The following WNK3 variants were observed in gnomAD, a reference collection of about 807,000 sequenced individuals.
The protein encoded by WNK3 is serine/threonine-protein kinase WNK3.
WNK3 carries 18 observed loss-of-function variants against 116.7 expected under a neutral mutation model. That is an observed-to-expected ratio of 0.15 (90% CI 0.11 to 0.23). The LOEUF is 0.23. Among genes scored for constraint, WNK3 ranks in the 10% least tolerant of loss-of-function variants. The probability of loss-of-function intolerance (pLI) is 1.00; values close to 1 mark genes in which losing one functional copy is unlikely to be tolerated. For synonymous variants in WNK3, 404 were observed against 469.4 expected, an observed-to-expected ratio of 0.86 and a Z score of 1.80; for missense variants, 993 against 1,323.8, an observed-to-expected ratio of 0.75 and a Z score of 3.88.
chrX:54,353,702 G>A (rs2069551292), intron 1 of WNK3, among the ~76,000 whole-genome samples: 2 of 107,235 alleles, frequency 1.9e-5, no homozygotes, highest in Admixed American at 1.0e-4. Context: ...AGCTGAGATC[G>A]CACCATTGCA....
chrX:54,301,013 C>T (rs782578315), intron 6 of WNK3, among the ~76,000 whole-genome samples: 70 of 110,211 alleles, frequency 6.4e-4, no homozygotes, highest in South Asian at 3.5e-3. Flanking sequence ...GAGGCTGAGA[C>T]GGGTGGATCA....
chrX:54,273,243 C>T (rs868920131), intron 10 of WNK3, among the ~76,000 whole-genome samples: 22 of 112,343 alleles, frequency 2.0e-4, no homozygotes, highest in Middle Eastern at 9.1e-3. Flanking sequence ...CGAACGTATA[C>T]ATCTGTCTTA....
At chrX:54,242,083 G>A (rs2068028651) in intron 17 of WNK3, among the ~76,000 whole-genome samples, 1 of 111,533 alleles carries the variant, frequency 9.0e-6, no homozygotes, top group African/African-American at 3.3e-5. Flanking sequence ...AGTTATTGGA[G>A]CTAATAAACA....
At chrX:54,259,682 C>T (rs1557156317) in intron 10 of WNK3, among the ~76,000 whole-genome samples, 1 of 111,265 alleles carries the variant, frequency 9.0e-6, no homozygotes, top group African/African-American at 3.3e-5. Context: ...GAGGTACTAC[C>T]ATTCTACAAG....
chrX:54,348,522 G>A (rs972543589), intron 1 of WNK3, among the ~76,000 whole-genome samples: 3 of 111,684 alleles, frequency 2.7e-5, no homozygotes, highest in Non-Finnish European at 3.8e-5. Flanking sequence ...ATTTATTTAA[G>A]TATACTAATA....
chrX:54,353,186 C>A (rs2069542362), intron 1 of WNK3, among the ~76,000 whole-genome samples: 1 of 111,708 alleles, frequency 9.0e-6, no homozygotes, highest in Admixed American at 9.6e-5. Context: ...GGGCCAGGCG[C>A]AGTGGCTCAT....
exon 24 of WNK3, chrX:54,198,353 G>T: frequency 8.3e-7 from 1 of 1,200,535 alleles, no homozygotes; most frequent in Non-Finnish European, 1.1e-6. Context: ...ATTGTGGCAG[G>T]ATTCTGCACT....
rs369979280 is a variant in WNK3 at position 54,221,580 on chromosome X, T to A, written c.4870+7134A>T. On this transcript the variant is annotated intron_variant, in intron 22 of 23. Coordinates refer to ENST00000354646, the Ensembl canonical transcript of WNK3. ...CAGGCGAGGTGGCTCACACCTGTAATCCAGCATTTTGGGAGGCCGAGGCGG... is the reference window on the plus strand; with the variant it reads ...CAGGCGAGGTGGCTCACACCTGTAAACCAGCATTTTGGGAGGCCGAGGCGG... Among the ~76,000 whole-genome samples the A allele has an allele frequency of 5.2e-3, 584 of 111,585 alleles. 3 individuals carry two copies. Among genetic ancestry groups the A allele is most frequent in the African/African-American group, 0.018 (554 of 30,777 alleles).
At chrX:54,215,116 CAAAAAAAAAAAA>C (rs60946524) in intron 22 of WNK3, among the ~76,000 whole-genome samples, 1 of 29,458 alleles carries the variant, frequency 3.4e-5, no homozygotes, top group African/African-American at 1.1e-4. Flanking sequence ...GACTCCATCT[CAAAAAAAAAAAA>C]AAAAAAAAAA....
chrX:54,268,796 A>G (rs1338172257), intron 10 of WNK3, among the ~76,000 whole-genome samples: 8 of 111,363 alleles, frequency 7.2e-5, no homozygotes, highest in Non-Finnish European at 1.5e-4. Flanking sequence ...ACTAACATAA[A>G]TAAATAAATA....
At chrX:54,348,854 T>C (rs1377946112) in intron 1 of WNK3, among the ~76,000 whole-genome samples, 1 of 111,928 alleles carries the variant, frequency 8.9e-6, no homozygotes, top group East Asian at 2.8e-4. Context: ...CTACACATGT[T>C]AGAAAGTAGG....
intron 10 of WNK3, among the ~76,000 whole-genome samples, chrX:54,264,683 C>T (rs2068291363): frequency 9.0e-6 from 1 of 110,988 alleles, no homozygotes; most frequent in African/African-American, 3.3e-5. Flanking sequence ...GCAGATAGAA[C>T]TGAATTGAGG....
In WNK3 at chrX:54,221,808, T is replaced by A. The variant is rs1396194491; in HGVS notation, c.4870+6906A>T. 4.5e-5 allele frequency among the ~76,000 whole-genome samples: 5 copies of A among 110,203 alleles called. No individual in the cohort carries two copies. In the East Asian group the frequency reaches 1.4e-3, roughly 32 times the overall value. On this transcript the variant is annotated intron_variant, in intron 22 of 23. Coordinates refer to ENST00000354646, the Ensembl canonical transcript of WNK3. ...GAGATCACGCCACTCAACTCCAGCC[T>A]GGGCAACAGAGCAAGACCCCATCTT...
chrX:54,235,539 G>A (rs1557149936), intron 20 of WNK3, among the ~76,000 whole-genome samples: 8 of 111,185 alleles, frequency 7.2e-5, no homozygotes, highest in Admixed American at 3.9e-4. Flanking sequence ...CACCCGCCTC[G>A]GCCTCCTAAA....
chrX:54,353,437 G>A (rs781960721), intron 1 of WNK3, among the ~76,000 whole-genome samples: 1 of 110,523 alleles, frequency 9.0e-6, no homozygotes, highest in African/African-American at 3.3e-5. Context: ...CAGCCTGGGT[G>A]ACAGAGAGAG....
At chrX:54,222,033 T>C (rs1185871939) in intron 22 of WNK3, among the ~76,000 whole-genome samples, 1 of 110,785 alleles carries the variant, frequency 9.0e-6, no homozygotes, top group Non-Finnish European at 1.9e-5. Context: ...GGCAGGTACA[T>C]GTAATCCCAG....
chrX:54,205,004 T>C (rs1291547886), intron 22 of WNK3, among the ~76,000 whole-genome samples: 1 of 111,650 alleles, frequency 9.0e-6, no homozygotes, highest in Non-Finnish European at 1.9e-5. Context: ...TCACCTGAGG[T>C]CAGGAGTTTG....
intron 10 of WNK3, among the ~76,000 whole-genome samples, chrX:54,284,822 T>C (rs1181710718): frequency 9.1e-6 from 1 of 109,453 alleles, no homozygotes; most frequent in Non-Finnish European, 1.9e-5. Context: ...AATACAAAAT[T>C]AGCCGGGCGT....
chrX:54,236,335 C>T (rs929976589), intron 20 of WNK3, among the ~76,000 whole-genome samples: 1 of 108,129 alleles, frequency 9.2e-6, no homozygotes, highest in Non-Finnish European at 1.9e-5. Flanking sequence ...GTTGGCCAGG[C>T]CGGTCTTGAA....
Sources: gnomAD v4.1 joint callset for allele counts (sites outside exome capture counted in the v4.1 genomes callset) on GRCh38, gnomAD v4.1.1 for gene constraint, MANE v1.5 for transcripts, NCBI Gene and HGNC (gene_info 2026-07-23, HGNC 2026-07-21) for gene names.